The following UBE2E2 variants were observed in gnomAD, a reference collection of about 807,000 sequenced individuals.
The protein encoded by UBE2E2 is ubiquitin-conjugating enzyme E2 E2.
UBE2E2 carries 6 observed loss-of-function variants against 24.7 expected under a neutral mutation model. That is an observed-to-expected ratio of 0.24 (90% CI 0.13 to 0.48). UBE2E2 has a LOEUF of 0.48. Among genes scored for constraint, UBE2E2 ranks in the 20% least tolerant of loss-of-function variants. The pLI, the probability that UBE2E2 is intolerant of heterozygous loss-of-function variation, is 0.99. For synonymous variants in UBE2E2, 104 were observed against 83.6 expected (o/e 1.24, Z -1.33); for missense variants, 169 against 245.0 (o/e 0.69, Z 2.07).
intron 3 of UBE2E2, among the ~76,000 whole-genome samples, chr3:23,456,312 CT>C (rs2125420872): frequency 6.6e-6 from 1 of 152,356 alleles, no homozygotes; most frequent in Admixed American, 6.5e-5. Flanking sequence ...CTCCTATCAA[CT>C]TGATATTTTG....
intron 3 of UBE2E2, among the ~76,000 whole-genome samples, chr3:23,219,857 G>C (rs1436924610): frequency 6.6e-6 from 1 of 152,164 alleles, no homozygotes; most frequent in African/African-American, 2.4e-5. Context: ...TTTTTCTACT[G>C]GTTGTCTGGG....
chr3:23,522,042 T>A (rs1168798080), intron 4 of UBE2E2, among the ~76,000 whole-genome samples: 1 of 152,116 alleles, frequency 6.6e-6, no homozygotes, highest in Non-Finnish European at 1.5e-5. Context: ...GGAACAGCCG[T>A]TTTTAAATCC....
chr3:23,425,706 A>T (rs1359806313), intron 3 of UBE2E2, among the ~76,000 whole-genome samples: 2 of 152,116 alleles, frequency 1.3e-5, no homozygotes, highest in Non-Finnish European at 2.9e-5. Context: ...TGAGAGTGAA[A>T]AACTTTAGGG....
At chr3:23,212,984 G>T (rs1347469589) in intron 2 of UBE2E2, among the ~76,000 whole-genome samples, 1 of 152,004 alleles carries the variant, frequency 6.6e-6, no homozygotes, top group African/African-American at 2.4e-5. Context: ...ATAATTAGTT[G>T]CATGATGCTT....
chr3:23,548,503 A>G (rs1695571811), intron 5 of UBE2E2, among the ~76,000 whole-genome samples: 1 of 152,206 alleles, frequency 6.6e-6, no homozygotes, highest in Non-Finnish European at 1.5e-5. Flanking sequence ...ACTAAGATGG[A>G]GCCAATGGCA....
intron 3 of UBE2E2, among the ~76,000 whole-genome samples, chr3:23,302,155 T>C (rs898380043): frequency 2.6e-5 from 4 of 152,162 alleles, no homozygotes; most frequent in Non-Finnish European, 4.4e-5. Flanking sequence ...TCCCAGTCTG[T>C]GATGTCCCTT....
intron 3 of UBE2E2, among the ~76,000 whole-genome samples, chr3:23,308,814 C>G (rs1699301967): frequency 6.6e-6 from 1 of 152,126 alleles, no homozygotes; most frequent in African/African-American, 2.4e-5. Context: ...TAGCATGGCT[C>G]TCTCTAAGTC....
chr3:23,535,352 G>A (rs1575691538), intron 5 of UBE2E2, among the ~76,000 whole-genome samples: 2 of 152,186 alleles, frequency 1.3e-5, no homozygotes, highest in East Asian at 1.9e-4. Flanking sequence ...CACCTACTCA[G>A]TTGAATTTAA....
chr3:23,374,319 A>G (rs1469195694), intron 3 of UBE2E2, among the ~76,000 whole-genome samples: 1 of 152,206 alleles, frequency 6.6e-6, no homozygotes, highest in Non-Finnish European at 1.5e-5. Context: ...TAAGTGTTTC[A>G]CATTTATTAT....
chr3:23,532,303 T>C (rs1575689537), intron 4 of UBE2E2, among the ~76,000 whole-genome samples: 1 of 152,194 alleles, frequency 6.6e-6, no homozygotes, highest in East Asian at 1.9e-4. Flanking sequence ...ATAACAGGAC[T>C]CTTTATAAGA....
chr3:23,386,230 G>C (rs1696801488), intron 3 of UBE2E2, among the ~76,000 whole-genome samples: 1 of 152,126 alleles, frequency 6.6e-6, no homozygotes, highest in African/African-American at 2.4e-5. Context: ...CCAAGATTGA[G>C]GCACTGGCAG....
Position 23,280,445 on chromosome 3 carries a change from G to C in UBE2E2, c.227+63133G>C, listed in dbSNP as rs1347179087. Among the ~76,000 whole-genome samples the C allele has an allele frequency of 6.6e-6, 1 of 152,174 alleles. No individual in the cohort carries two copies. The highest frequency in any genetic ancestry group is 2.4e-5 in the African/African-American group (1 of 41,440). ...CCACTTTAACTGGAAAGTTTTGAGG[G>C]ATTGTGAATGGTGCTAGAGGTGGCC... On this transcript the variant is annotated intron_variant, in intron 3 of 5. Coordinates refer to ENST00000396703, the MANE Select transcript of UBE2E2 (RefSeq NM_152653.4). The surrounding 1 kb of genome is among the most constrained non-coding windows in gnomAD (Gnocchi z 4.3).
intron 3 of UBE2E2, among the ~76,000 whole-genome samples, chr3:23,486,102 C>A (rs778519): frequency 0.18 from 27,196 of 152,132 alleles, 2,497 homozygotes; most frequent in Middle Eastern, 0.23. Context: ...GCACTACTGG[C>A]CTGGATCCCA....
intron 4 of UBE2E2, among the ~76,000 whole-genome samples, chr3:23,524,857 G>GACACACAA (rs772415833): frequency 7.8e-6 from 1 of 128,684 alleles, no homozygotes; most frequent in Non-Finnish European, 1.6e-5. Context: ...GATACACACA[G>GACACACAA]ACACACAGAC....
intron 3 of UBE2E2, among the ~76,000 whole-genome samples, chr3:23,455,994 A>G (rs188168315): frequency 2.5e-4 from 38 of 152,368 alleles, no homozygotes; most frequent in Admixed American, 1.1e-3. Flanking sequence ...CAGTCCTCTC[A>G]AACTCTGCCA....
rs34208918 is a variant in UBE2E2 at position 23,313,386 on chromosome 3, C to CTTTTTTTTTTTTTTTTTTTTTTTT, written c.227+96093_227+96094insTTTTTTTTTTTTTTTTTTTTTTTT. On this transcript the variant is annotated intron_variant, in intron 3 of 5. Transcript: ENST00000396703. Reference sequence around the variant, plus strand: ...TCTTGTAGGCAATGGATCATTGGGTCTTTTTTTTTTTTTTTTTTTGAGGGC... The same window carrying CTTTTTTTTTTTTTTTTTTTTTTTT: ...TCTTGTAGGCAATGGATCATTGGGTCTTTTTTTTTTTTTTTTTTTTTTTTTTTTTTTTTTTTTTTTTTTGAGGGC... 3.6e-5 allele frequency among the ~76,000 whole-genome samples: 4 copies of CTTTTTTTTTTTTTTTTTTTTTTTT among 111,872 alleles called. 1 individual carries two copies. The highest frequency in any genetic ancestry group is 2.1e-4 in the Admixed American group (2 of 9,304). 73.4% of individuals were successfully genotyped at this position (111,872 alleles called of 152,430 possible).
intron 3 of UBE2E2, among the ~76,000 whole-genome samples, chr3:23,303,286 A>G (rs568221523): frequency 1.6e-4 from 25 of 152,232 alleles, no homozygotes; most frequent in African/African-American, 4.8e-4. Flanking sequence ...TAATTATTTC[A>G]TTATATATTA....
chr3:23,414,123 A>G (rs986047769), intron 3 of UBE2E2, among the ~76,000 whole-genome samples: 4 of 152,228 alleles, frequency 2.6e-5, no homozygotes, highest in Admixed American at 6.5e-5. Flanking sequence ...ACAATTCAGC[A>G]TGAGAAATTC....
intron 3 of UBE2E2, among the ~76,000 whole-genome samples, chr3:23,220,912 G>T (rs1346313500): frequency 6.6e-6 from 1 of 152,158 alleles, no homozygotes; most frequent in Non-Finnish European, 1.5e-5. Context: ...GGTGCTAGTG[G>T]AGAACTGGCA....
Sources: gnomAD v4.1 joint callset for allele counts (sites outside exome capture counted in the v4.1 genomes callset) on GRCh38, gnomAD v4.1.1 for gene constraint, Gnocchi (gnomAD v3.1) non-coding constraint, MANE v1.5 for transcripts, NCBI Gene and HGNC (gene_info 2026-07-23, HGNC 2026-07-21) for gene names.